Variants in AFF3 observed in about 807,000 individuals in gnomAD.
AFF3 encodes the protein ALF transcription elongation factor 3, also known as AF4/FMR2 family member 3.
AFF3 carries 32 observed loss-of-function variants against 129.7 expected under a neutral mutation model. The ratio of observed to expected loss-of-function variants is 0.25; its 90% CI spans 0.19 to 0.33. The LOEUF (loss-of-function observed/expected upper bound fraction) is 0.33, where lower values mean the gene tolerates loss of function less well. Ranked by LOEUF, AFF3 falls within the 10% of genes least tolerant of loss-of-function variation. AFF3 has a pLI of 1.00. For missense variants in AFF3, 1,373 were observed against 1,592.0 expected (o/e 0.86, Z 2.34); for synonymous variants, 644 against 635.4 (o/e 1.01, Z -0.20).
At chr2:99,680,781 A>G (rs888628168) in intron 11 of AFF3, among the ~76,000 whole-genome samples, 6 of 152,212 alleles carry the variant, frequency 3.9e-5, no homozygotes, top group Non-Finnish European at 7.3e-5. Context: ...GCTGTTATTG[A>G]TAAGTTAATT....
chr2:99,743,062 T>C (rs1680849622), intron 10 of AFF3, among the ~76,000 whole-genome samples: 1 of 152,220 alleles, frequency 6.6e-6, no homozygotes, highest in Admixed American at 6.5e-5. Flanking sequence ...TTTCTTCTGA[T>C]CTCTTTTCTT....
chr2:99,986,377 T>C (rs1369259682), intron 7 of AFF3, among the ~76,000 whole-genome samples: 2 of 151,994 alleles, frequency 1.3e-5, no homozygotes, highest in African/African-American at 4.8e-5. Flanking sequence ...GACACTGTAA[T>C]AGCAGTGTCC....
intron 13 of AFF3, among the ~76,000 whole-genome samples, chr2:99,615,810 T>C (rs1378238193): frequency 6.6e-6 from 1 of 152,222 alleles, no homozygotes. Flanking sequence ...ACCTCAGCAG[T>C]GTTTCATCTA....
chr2:100,036,364 C>A (rs1339592365), intron 4 of AFF3, among the ~76,000 whole-genome samples: 1 of 151,994 alleles, frequency 6.6e-6, no homozygotes, highest in Non-Finnish European at 1.5e-5. Flanking sequence ...CATATAATTA[C>A]AAATCCATGA....
chr2:99,905,816 C>A (rs1576321532), intron 7 of AFF3, among the ~76,000 whole-genome samples: 1 of 152,144 alleles, frequency 6.6e-6, no homozygotes, highest in Admixed American at 6.6e-5. Flanking sequence ...GGTACTCATA[C>A]CAGCAGCAGC....
intron 7 of AFF3, among the ~76,000 whole-genome samples, chr2:99,856,972 A>G (rs1690576715): frequency 6.6e-6 from 1 of 152,120 alleles, no homozygotes; most frequent in Admixed American, 6.5e-5. Flanking sequence ...TACTGTTAGA[A>G]ATGAATGAGT....
intron 7 of AFF3, among the ~76,000 whole-genome samples, chr2:99,915,858 C>A (rs1695440023): frequency 6.6e-6 from 1 of 152,130 alleles, no homozygotes; most frequent in Non-Finnish European, 1.5e-5. Context: ...GAAGAACCAG[C>A]TTCTCTCCTG....
At chr2:99,867,002 A>ATAATAATAAATAAAATAAAAATAAAAAAT (rs767813598) in intron 7 of AFF3, among the ~76,000 whole-genome samples, 1 of 95,490 alleles carries the variant, frequency 1.0e-5, no homozygotes, top group South Asian at 3.2e-4. Context: ...AATAATAATA[A>ATAATAATAAATAAAATAAAAATAAAAAAT]AAAATAAATA....
intron 14 of AFF3, among the ~76,000 whole-genome samples, chr2:99,599,650 C>A (rs1679627066): frequency 6.6e-6 from 1 of 152,164 alleles, no homozygotes; most frequent in South Asian, 2.1e-4. Flanking sequence ...ATGAATTTAA[C>A]CTGCAAAGCC....
At chr2:100,053,835 C>A (rs6750214) in intron 4 of AFF3, among the ~76,000 whole-genome samples, 1 of 152,054 alleles carries the variant, frequency 6.6e-6, no homozygotes, top group African/African-American at 2.4e-5. Flanking sequence ...GTATTTGGGG[C>A]TCTGAAGGGG....
At chr2:100,026,474 A>C (rs934638139) in intron 4 of AFF3, among the ~76,000 whole-genome samples, 1 of 152,150 alleles carries the variant, frequency 6.6e-6, no homozygotes, top group African/African-American at 2.4e-5. Flanking sequence ...TACAGCCACT[A>C]TAGAAAACAG....
Position 99,580,842 on chromosome 2 carries a change from G to A in AFF3, c.2793+1956C>T, listed in dbSNP as rs577245611. ...GAACCTAGGAGGTGGAGCTTGCAGT[G>A]AGCCGAGGTCGCGCCACTGCATTCC... On this transcript the variant is annotated intron_variant, in intron 17 of 24. Coordinates refer to ENST00000672756, the MANE Select transcript of AFF3 (RefSeq NM_001386135.1). 18 of 153,094 alleles carry A rather than the reference G, an allele frequency of 1.2e-4. 1 individual carries two copies. The South Asian group carries it at 2.8e-3, about 24-fold the overall frequency. The allele number at this position is 153,094 out of a possible 1,614,324, so 9.5% of individuals were successfully genotyped here.
intron 19 of AFF3, among the ~76,000 whole-genome samples, 193 bp downstream of exon 19, chr2:99,568,659 C>A (rs749588509): frequency 1.3e-5 from 2 of 152,186 alleles, no homozygotes; most frequent in Admixed American, 6.5e-5. Context: ...GGCTTTTTCC[C>A]AGTCAGGCAT....
intron 11 of AFF3, among the ~76,000 whole-genome samples, chr2:99,697,255 G>A (rs543644232): frequency 7.2e-5 from 11 of 152,336 alleles, no homozygotes; most frequent in Admixed American, 2.6e-4. Flanking sequence ...ATGGAGTCCT[G>A]CCGCCCATTC....
At chr2:99,971,624 T>C (rs943844015) in intron 7 of AFF3, among the ~76,000 whole-genome samples, 2 of 152,236 alleles carry the variant, frequency 1.3e-5, no homozygotes, top group African/African-American at 4.8e-5. Flanking sequence ...TGCAGTCCAC[T>C]GTTGACTGAG....
intron 7 of AFF3, among the ~76,000 whole-genome samples, chr2:99,904,170 T>A (rs1694548102): frequency 6.6e-6 from 1 of 152,160 alleles, no homozygotes; most frequent in African/African-American, 2.4e-5. Flanking sequence ...TCCCCAAGCC[T>A]TGATCTCCAT....
chr2:100,017,848 T>C (rs1573135246), intron 4 of AFF3, among the ~76,000 whole-genome samples: 1 of 152,276 alleles, frequency 6.6e-6, no homozygotes, highest in East Asian at 1.9e-4. Flanking sequence ...GACCAAATTC[T>C]TAGACTCTGC....
At chr2:99,610,861 T>G (rs1016976830) in intron 13 of AFF3, among the ~76,000 whole-genome samples, 13 of 152,214 alleles carry the variant, frequency 8.5e-5, no homozygotes, top group African/African-American at 2.9e-4. Context: ...ATTATGAGTA[T>G]GAATACTTTC....
intron 7 of AFF3, among the ~76,000 whole-genome samples, chr2:99,917,245 G>A (rs1011887180): frequency 2.0e-5 from 3 of 152,168 alleles, no homozygotes; most frequent in African/African-American, 7.2e-5. Flanking sequence ...CTACTAACAG[G>A]GTGTCGGGGA....
Sources: gnomAD v4.1 joint callset for allele counts (sites outside exome capture counted in the v4.1 genomes callset) on GRCh38, gnomAD v4.1.1 for gene constraint, MANE v1.5 for transcripts, NCBI Gene and HGNC (gene_info 2026-07-23, HGNC 2026-07-21) for gene names.